Variants in CHN1 observed in about 807,000 individuals in gnomAD.
CHN1 encodes the protein N-chimaerin.
CHN1 carries 37 observed loss-of-function variants against 59.5 expected under a neutral mutation model. The observed-to-expected ratio is 0.62, with a 90% CI of 0.48 to 0.82. The LOEUF (loss-of-function observed/expected upper bound fraction) is 0.82. Ranked by LOEUF, CHN1 falls within the 40% of genes least tolerant of loss-of-function variation. CHN1 has a pLI of 0.00. For missense variants in CHN1, 469 were observed against 571.0 expected, an observed-to-expected ratio of 0.82 and a Z score of 1.82; for synonymous variants, 206 against 200.4, an observed-to-expected ratio of 1.03 and a Z score of -0.24.
chr2:174,970,508 T>A (rs1185092783), intron 1 of CHN1, among the ~76,000 whole-genome samples: 1 of 152,236 alleles, frequency 6.6e-6, no homozygotes. Flanking sequence ...TGACAGTTTG[T>A]TAATATTTAA....
intron 5 of CHN1, among the ~76,000 whole-genome samples, chr2:174,890,143 A>G (rs1688005307): frequency 6.6e-6 from 1 of 152,190 alleles, no homozygotes; most frequent in Admixed American, 6.5e-5. Flanking sequence ...CTGAATAAAT[A>G]TACAAGCAAA....
chr2:174,936,477 T>C (rs1173950615), intron 3 of CHN1, among the ~76,000 whole-genome samples: 1 of 152,198 alleles, frequency 6.6e-6, no homozygotes, highest in Non-Finnish European at 1.5e-5. Flanking sequence ...TATACTTGTG[T>C]CTACTCAGTC....
At chr2:174,905,367 C>T in intron 5 of CHN1, among the ~76,000 whole-genome samples, 1 of 152,068 alleles carries the variant, frequency 6.6e-6, no homozygotes, top group Non-Finnish European at 1.5e-5. Context: ...CTCAACTCTA[C>T]CCTTAAATGA....
At chr2:174,829,837 G>A (rs1685811645) in intron 7 of CHN1, among the ~76,000 whole-genome samples, 1 of 152,184 alleles carries the variant, frequency 6.6e-6, no homozygotes, top group Non-Finnish European at 1.5e-5. Flanking sequence ...AGGAATGTAG[G>A]TAGGCAGGCA....
At chr2:174,837,592 T>C (rs556434360) in intron 7 of CHN1, among the ~76,000 whole-genome samples, 1 of 152,318 alleles carries the variant, frequency 6.6e-6, no homozygotes, top group African/African-American at 2.4e-5. Context: ...CAGCTGATGA[T>C]ATGGTGGTTC....
rs868495716 is a variant in CHN1, at chr2:174,800,391, G to A, written c.1209-104C>T. 85 of 816,270 alleles carry A rather than the reference G, an allele frequency of 1.0e-4. No homozygotes were observed. In the African/African-American group the frequency reaches 1.2e-3, roughly 11 times the overall value. The allele number at this position is 816,270 out of a possible 1,614,324, so 50.6% of individuals were successfully genotyped here. A position where few individuals can be genotyped will look rare whatever the true frequency, so the allele number is the denominator to read the frequency against. On this transcript the variant is annotated intron_variant, in intron 12 of 12. Transcript: ENST00000409900. The stretch of plus-strand genomic sequence containing the variant: ...AGATTCACAATAAAAGTTTGCGTCC[G>A]CTTATCAACTCTTCCACTAGGTTAT...
intron 1 of CHN1, among the ~76,000 whole-genome samples, chr2:174,979,062 AAG>A (rs1691046305): frequency 6.6e-6 from 1 of 152,220 alleles, no homozygotes; most frequent in South Asian, 2.1e-4. Context: ...GGGTTGAAGA[AAG>A]ACATTAAATA....
At chr2:174,841,778 T>C (rs1686311387) in intron 7 of CHN1, among the ~76,000 whole-genome samples, 1 of 152,198 alleles carries the variant, frequency 6.6e-6, no homozygotes, top group Non-Finnish European at 1.5e-5. Context: ...TCCTTGTTCA[T>C]ATCCACAGAA....
In CHN1 at chr2:175,004,961, G is replaced by T; in HGVS notation, c.-49C>A. 6.6e-7 allele frequency: 1 copy of T among 1,518,360 alleles called. No homozygotes were observed. 94.1% of individuals were successfully genotyped at this position (1,518,360 alleles called of 1,614,324 possible). On this transcript the variant is annotated 5_prime_UTR_variant, in exon 1 of 13. Transcript: ENST00000409900. Reference sequence around the variant, plus strand: ...GCGAGTCCAGGCGCTCCTCCCAGGCGGGCTAGGGATCACCTCATCAGCCCG... The same window carrying T: ...GCGAGTCCAGGCGCTCCTCCCAGGCTGGCTAGGGATCACCTCATCAGCCCG...
Position 175,001,119 on chromosome 2 carries a change from AC to A in CHN1, c.19+3774del, listed in dbSNP as rs201416199. Among the ~76,000 whole-genome samples the A allele has an allele frequency of 7.9e-3, 1,204 of 152,344 alleles. 18 individuals are homozygous for A. Among genetic ancestry groups the A allele is most frequent in the African/African-American group, 0.027 (1,140 of 41,578 alleles). On this transcript the variant is annotated intron_variant, in intron 1 of 12. Transcript: ENST00000409900. ...AGTTTTGACACCAGTACAAGAAGGAACATGGACAAAAATTTAAATAAGGATG... is the reference window on the plus strand; with the variant it reads ...AGTTTTGACACCAGTACAAGAAGGAAATGGACAAAAATTTAAATAAGGATG...
At chr2:174,827,184 G>T (rs569676404) in intron 7 of CHN1, among the ~76,000 whole-genome samples, 2 of 152,178 alleles carry the variant, frequency 1.3e-5, no homozygotes, top group East Asian at 1.9e-4. Context: ...TTTGTAAAAG[G>T]TTGATTACTG....
At chr2:174,998,994 G>C (rs902914906) in intron 1 of CHN1, among the ~76,000 whole-genome samples, 2 of 152,036 alleles carry the variant, frequency 1.3e-5, no homozygotes, top group Admixed American at 1.3e-4. Flanking sequence ...TATTCACAAA[G>C]TATCTATTCT....
intron 8 of CHN1, among the ~76,000 whole-genome samples, chr2:174,821,478 A>C (rs1173421674): frequency 6.6e-6 from 1 of 152,198 alleles, no homozygotes; most frequent in Non-Finnish European, 1.5e-5. Context: ...GTGGTTTGAA[A>C]GTGTCCCCTC....
chr2:174,901,620 T>C (rs9287980), intron 5 of CHN1, among the ~76,000 whole-genome samples: 16,664 of 152,240 alleles, frequency 0.11, 2,034 homozygotes, highest in African/African-American at 0.3. Context: ...TCTTGACTGT[T>C]TTGTTTTTCC....
At chr2:174,944,285 A>G (rs1384126123) in intron 3 of CHN1, among the ~76,000 whole-genome samples, 1 of 152,202 alleles carries the variant, frequency 6.6e-6, no homozygotes, top group Non-Finnish European at 1.5e-5. Context: ...ATTCTCATAA[A>G]GTTATAGTAT....
intron 6 of CHN1, among the ~76,000 whole-genome samples, chr2:174,872,472 G>A (rs1051084382): frequency 3.3e-5 from 5 of 152,176 alleles, no homozygotes; most frequent in African/African-American, 1.2e-4. Flanking sequence ...GAAGCAGAAA[G>A]CTTGACTTGT....
At chr2:174,887,157 TTAAA>T (rs1413402967) in intron 5 of CHN1, among the ~76,000 whole-genome samples, 3 of 152,196 alleles carry the variant, frequency 2.0e-5, no homozygotes, top group African/African-American at 4.8e-5. Flanking sequence ...TTATCAGACT[TTAAA>T]TACAACTAGA....
chr2:174,954,144 T>C (rs1361853121), intron 1 of CHN1, among the ~76,000 whole-genome samples: 1 of 152,022 alleles, frequency 6.6e-6, no homozygotes, highest in Non-Finnish European at 1.5e-5. Context: ...AGCCAAATAC[T>C]TACAGCCAAC....
intron 6 of CHN1, among the ~76,000 whole-genome samples, chr2:174,875,426 T>C (rs183847091): frequency 6.6e-6 from 1 of 152,274 alleles, no homozygotes; most frequent in East Asian, 1.9e-4. Flanking sequence ...TTGTTGTCCT[T>C]CTTCTACAAT....
Sources: gnomAD v4.1 joint callset for allele counts (sites outside exome capture counted in the v4.1 genomes callset) on GRCh38, gnomAD v4.1.1 for gene constraint, MANE v1.5 for transcripts, NCBI Gene and HGNC (gene_info 2026-07-23, HGNC 2026-07-21) for gene names.